The following UMAD1 variants were observed in gnomAD, a reference collection of about 807,000 sequenced individuals.
UMAD1 encodes the protein UBAP1-MVB12-associated (UMA)-domain containing protein 1.
In UMAD1, 8 loss-of-function variants were observed where a neutral mutation model predicts 6.1. That is an observed-to-expected ratio of 1.30 (90% confidence interval 0.76 to 2.35). UMAD1 has a LOEUF of 2.35. UMAD1 is among the 30% of genes most tolerant of loss of function. UMAD1 has a pLI of 0.00. For missense variants in UMAD1, 130 were observed against 78.4 expected, an observed-to-expected ratio of 1.66 and a Z score of -2.49; for synonymous variants, 56 against 31.4, an observed-to-expected ratio of 1.78 and a Z score of -2.61.
chr7:7,838,195 C>T (rs547881320), intron 3 of UMAD1, among the ~76,000 whole-genome samples: 3 of 152,172 alleles, frequency 2.0e-5, no homozygotes, highest in African/African-American at 2.4e-5. Context: ...CCTTGCAGGG[C>T]GCATATAGTC....
At chr7:7,745,286 A>C (rs527888410) in intron 2 of UMAD1, among the ~76,000 whole-genome samples, 1 of 152,156 alleles carries the variant, frequency 6.6e-6, no homozygotes, top group African/African-American at 2.4e-5. Context: ...TATAGTGTAC[A>C]CCTGCAGTTC....
At chr7:7,750,201 G>C (rs1488293132) in intron 2 of UMAD1, among the ~76,000 whole-genome samples, 1 of 152,040 alleles carries the variant, frequency 6.6e-6, no homozygotes, top group African/African-American at 2.4e-5. Context: ...ATCTTAAGAA[G>C]TCTAGGTAGT....
intron 2 of UMAD1, among the ~76,000 whole-genome samples, chr7:7,795,411 G>C (rs1332426701): frequency 6.6e-6 from 1 of 152,204 alleles, no homozygotes; most frequent in Non-Finnish European, 1.5e-5. Flanking sequence ...TGATTCTTAA[G>C]AGAGAGGGAA....
At chr7:7,836,900 G>A (rs1005288023) in intron 3 of UMAD1, among the ~76,000 whole-genome samples, 1 of 151,484 alleles carries the variant, frequency 6.6e-6, no homozygotes, top group Non-Finnish European at 1.5e-5. Flanking sequence ...CAAGGTCAGG[G>A]AATGGGGCAG....
At chr7:7,728,503 G>T (rs959318065) in intron 2 of UMAD1, among the ~76,000 whole-genome samples, 5 of 152,094 alleles carry the variant, frequency 3.3e-5, no homozygotes, top group African/African-American at 1.2e-4. Context: ...AATCAGCCAG[G>T]CGTGGTGGCG....
At chr7:7,840,522 G>T (rs1166926308) in intron 3 of UMAD1, among the ~76,000 whole-genome samples, 1 of 58,566 alleles carries the variant, frequency 1.7e-5, no homozygotes, top group African/African-American at 6.3e-5. Context: ...GCCAATAAAA[G>T]AAGCAGTAGA....
chr7:7,795,103 T>C (rs1223609399), intron 2 of UMAD1, among the ~76,000 whole-genome samples: 2 of 152,238 alleles, frequency 1.3e-5, no homozygotes, highest in African/African-American at 2.4e-5. Context: ...ATATATACCT[T>C]ACATGTATTG....
At chr7:7,728,776 T>A (rs115988287) in intron 2 of UMAD1, among the ~76,000 whole-genome samples, 77 of 152,334 alleles carry the variant, frequency 5.1e-4, no homozygotes, top group African/African-American at 1.8e-3. Context: ...ATTCCAGTAG[T>A]CTTTTCACTA....
chr7:7,699,679 A>G (rs1240237826), intron 2 of UMAD1, among the ~76,000 whole-genome samples: 1 of 152,244 alleles, frequency 6.6e-6, no homozygotes, highest in African/African-American at 2.4e-5. Context: ...CCCTAAAGCT[A>G]TATTGAGTGA....
chr7:7,719,930 G>C (rs924712090), intron 2 of UMAD1, among the ~76,000 whole-genome samples: 1 of 152,134 alleles, frequency 6.6e-6, no homozygotes, highest in Admixed American at 6.5e-5. Flanking sequence ...ACCTCCCTGG[G>C]TCTTGAACAT....
intron 2 of UMAD1, among the ~76,000 whole-genome samples, chr7:7,774,437 A>G (rs577476617): frequency 3.3e-5 from 5 of 152,140 alleles, no homozygotes; most frequent in South Asian, 2.1e-4. Context: ...CCATTCCCTC[A>G]CTTTCTGTTT....
chr7:7,722,995 C>G (rs1265024172), intron 2 of UMAD1, among the ~76,000 whole-genome samples: 1 of 152,010 alleles, frequency 6.6e-6, no homozygotes, highest in Non-Finnish European at 1.5e-5. Flanking sequence ...CCACCTTTGT[C>G]TGAGGAGATA....
chr7:7,731,743 G>A (rs1781263915), intron 2 of UMAD1, among the ~76,000 whole-genome samples: 1 of 152,112 alleles, frequency 6.6e-6, no homozygotes, highest in Non-Finnish European at 1.5e-5. Context: ...TTTGAAATAA[G>A]CTGTTTGATC....
intron 2 of UMAD1, among the ~76,000 whole-genome samples, chr7:7,707,980 G>C (rs1485955795): frequency 1.3e-5 from 2 of 152,130 alleles, no homozygotes; most frequent in African/African-American, 4.8e-5. Flanking sequence ...TGATCCTTTA[G>C]TTGTCACTTT....
chr7:7,695,873 C>G (rs887706155), intron 2 of UMAD1, among the ~76,000 whole-genome samples: 6 of 151,956 alleles, frequency 3.9e-5, no homozygotes, highest in Admixed American at 6.6e-5. Flanking sequence ...ATCTTATGCA[C>G]TAATGGTTGG....
intron 1 of UMAD1, among the ~76,000 whole-genome samples, chr7:7,669,234 A>G (rs926886583): frequency 6.6e-6 from 1 of 152,162 alleles, no homozygotes; most frequent in Admixed American, 6.5e-5. Flanking sequence ...CCCATGGATA[A>G]GGAGGAAACG....
intron 1 of UMAD1, among the ~76,000 whole-genome samples, chr7:7,649,132 C>T (rs1246024527): frequency 2.3e-5 from 3 of 129,820 alleles, no homozygotes; most frequent in Non-Finnish European, 4.6e-5. Flanking sequence ...CACTCCAGCC[C>T]GTGCGACAAG....
intron 2 of UMAD1, among the ~76,000 whole-genome samples, chr7:7,714,763 A>T (rs895050709): frequency 2.0e-5 from 3 of 152,072 alleles, no homozygotes; most frequent in African/African-American, 7.2e-5. Flanking sequence ...AACAGGTTGG[A>T]AGCTGGGAGA....
At chr7:7,787,223 T>G (rs17557971) in intron 2 of UMAD1, among the ~76,000 whole-genome samples, 12,920 of 152,220 alleles carry the variant, frequency 0.085, 775 homozygotes, top group Middle Eastern at 0.14. Context: ...TTGTTGGTAA[T>G]TAGAAATACA....
Sources: allele counts gnomAD v4.1 joint callset (sites outside exome capture counted in the v4.1 genomes callset), GRCh38; gene constraint gnomAD v4.1.1; transcripts MANE v1.5; gene names NCBI Gene and HGNC (gene_info 2026-07-23, HGNC 2026-07-21).